Variants in KIAA0753 observed in about 807,000 individuals in gnomAD.
KIAA0753 encodes the protein KIAA0753.
A neutral mutation model predicts 116.9 loss-of-function variants in KIAA0753; 114 were observed. The observed-to-expected ratio is 0.98, with a 90% CI of 0.84 to 1.14. The LOEUF is 1.14. KIAA0753 is among the 50% of genes most tolerant of loss of function. The pLI, the probability that KIAA0753 is intolerant of heterozygous loss-of-function variation, is 0.00. For synonymous variants in KIAA0753, 405 were observed against 413.1 expected, an observed-to-expected ratio of 0.98 and a Z score of 0.24; for missense variants, 1,156 against 1,172.4, an observed-to-expected ratio of 0.99 and a Z score of 0.20.
At chr17:6,634,095 CTTTTTT>C (rs59023654) in intron 2 of KIAA0753, among the ~76,000 whole-genome samples, 1 of 130,178 alleles carries the variant, frequency 7.7e-6, no homozygotes, top group African/African-American at 2.8e-5. Context: ...AGGGTGAATT[CTTTTTT>C]TTTTTTTTTT....
intron 12 of KIAA0753, among the ~76,000 whole-genome samples, 154 bp from the exon 13 acceptor site, chr17:6,600,612 T>C (rs1276657974): frequency 2.0e-5 from 3 of 152,248 alleles, no homozygotes; most frequent in South Asian, 4.1e-4. Flanking sequence ...CTTGTGAAAA[T>C]GTAGATTCCA....
At chr17:6,623,659 T>A in intron 4 of KIAA0753, 88 bp from the exon 5 acceptor site, 1 of 1,488,262 alleles carries the variant, frequency 6.7e-7, no homozygotes, top group South Asian at 1.4e-5. Context: ...TCTCCTCTTG[T>A]CCAAATATAA....
chr17:6,582,818 T>C (rs951332346), intron 18 of KIAA0753, among the ~76,000 whole-genome samples: 6 of 152,214 alleles, frequency 3.9e-5, no homozygotes, highest in African/African-American at 1.4e-4. Flanking sequence ...TAACATTAAT[T>C]GATATTCTTA....
At chr17:6,591,721 A>G (rs1468083285) in intron 16 of KIAA0753, among the ~76,000 whole-genome samples, 1 of 152,248 alleles carries the variant, frequency 6.6e-6, no homozygotes, top group Non-Finnish European at 1.5e-5. Context: ...TACATGATGC[A>G]ACCTAACTTT....
intron 1 of KIAA0753, 124 bp from the exon 2 acceptor site, chr17:6,635,295 G>A: frequency 4.6e-6 from 2 of 432,902 alleles, no homozygotes; most frequent in Non-Finnish European, 8.3e-6. Context: ...CATACTGAGA[G>A]TGACTGCTTA....
chr17:6,630,659 A>G (rs1324863046), intron 2 of KIAA0753, among the ~76,000 whole-genome samples: 1 of 152,200 alleles, frequency 6.6e-6, no homozygotes, highest in African/African-American at 2.4e-5. Context: ...ACTGTAAATT[A>G]TTAGAATCAA....
chr17:6,614,542 C>T (rs996002604), intron 7 of KIAA0753, among the ~76,000 whole-genome samples: 3 of 151,724 alleles, frequency 2.0e-5, no homozygotes, highest in Non-Finnish European at 4.4e-5. Context: ...ATGATGCATA[C>T]TGTAAGATAT....
chr17:6,591,033 GGAAGAAGGAAGAAGAAGAAGAAGAAGAA>G (rs1567540421), intron 16 of KIAA0753, among the ~76,000 whole-genome samples: 7 of 90,642 alleles, frequency 7.7e-5, no homozygotes, highest in African/African-American at 3.9e-4. Context: ...GAAGGAAGAA[GGAAGAAGGAAGAAGAAGAAGAAGAAGAA>G]GAAGAAGAAG....
At chr17:6,619,532 T>A (rs1597566693) in intron 7 of KIAA0753, among the ~76,000 whole-genome samples, 1 of 152,118 alleles carries the variant, frequency 6.6e-6, no homozygotes, top group Admixed American at 6.5e-5. Context: ...GCTCAAGTGA[T>A]CCTCCTGCCT....
Position 6,589,793 on chromosome 17 carries a change from C to T in KIAA0753, c.2772G>A (p.Trp924Ter). Residue 924 changes from tryptophan (W) to a stop codon, truncating the protein, a stop_gained, in exon 18 of 19, where the codon TGG (tryptophan) becomes TGA (stop). Transcript: ENST00000361413. LOFTEE classifies it high-confidence loss of function. ...SHEAVGSFNP[W>*]LIAESFSEEL... is the part of the protein sequence containing the mutation. ...ATTTTACTGACCTTTCAGCTATCAGCCACGGGTTGAAGGAGCCTACAGCCT... is the reference window on the plus strand; with the variant it reads ...ATTTTACTGACCTTTCAGCTATCAGTCACGGGTTGAAGGAGCCTACAGCCT... The T allele has an allele frequency of 6.2e-7, 1 of 1,606,002 alleles. No homozygotes were observed. Among genetic ancestry groups the T allele is most frequent in the Non-Finnish European group, 8.5e-7 (1 of 1,177,888 alleles).
Position 6,608,329 on chromosome 17 carries a change from G to C in KIAA0753, c.1829+19C>G, listed in dbSNP as rs1373640624. 1 of 1,283,014 alleles carries C rather than the reference G, an allele frequency of 7.8e-7. No homozygotes were observed. The highest frequency in any genetic ancestry group is 2.7e-5 in the Admixed American group (1 of 37,214). 79.5% of individuals were successfully genotyped at this position (1,283,014 alleles called of 1,614,324 possible). A position where few individuals can be genotyped will look rare whatever the true frequency, so the allele number is the denominator to read the frequency against. On this transcript the variant is annotated intron_variant, in intron 10 of 18. Transcript: ENST00000361413. Reference sequence around the variant, plus strand: ...GGAGCTCTTTAATTCTCAAAGATCTGAAAAATACCAGCACAAACCTGGCTG... The same window carrying C: ...GGAGCTCTTTAATTCTCAAAGATCTCAAAAATACCAGCACAAACCTGGCTG...
rs555388348 is a variant in KIAA0753, at chr17:6,608,554, G to A, written c.1713-90C>T. Reference sequence around the variant, plus strand: ...AGGTGCCAGCTCAGAGATGACAACAGCATTAAATTAATGGTGATCTGTAGC... The same window carrying A: ...AGGTGCCAGCTCAGAGATGACAACAACATTAAATTAATGGTGATCTGTAGC... On this transcript the variant is annotated intron_variant, in intron 9 of 18. Transcript: ENST00000361413. 9 of 591,492 alleles carry A rather than the reference G, an allele frequency of 1.5e-5. No individual in the cohort carries two copies. In the East Asian group the frequency reaches 2.2e-4, roughly 14 times the overall value. 36.6% of individuals were successfully genotyped at this position (591,492 alleles called of 1,614,324 possible). A position where few individuals can be genotyped will look rare whatever the true frequency, so the allele number is the denominator to read the frequency against.
At chr17:6,617,875 G>T (rs1316761153) in intron 7 of KIAA0753, among the ~76,000 whole-genome samples, 1 of 152,212 alleles carries the variant, frequency 6.6e-6, no homozygotes, top group Non-Finnish European at 1.5e-5. Context: ...GGCCAAGGCA[G>T]GCGGATCACC....
At chr17:6,587,179 C>G (rs1381116809) in intron 18 of KIAA0753, among the ~76,000 whole-genome samples, 3 of 151,976 alleles carry the variant, frequency 2.0e-5, no homozygotes, top group African/African-American at 4.8e-5. Flanking sequence ...TTGCAGTGAG[C>G]CGAGATTGTA....
At chr17:6,583,451 T>TTC (rs1489764233) in intron 18 of KIAA0753, among the ~76,000 whole-genome samples, 3 of 152,166 alleles carry the variant, frequency 2.0e-5, no homozygotes, top group African/African-American at 4.8e-5. Context: ...GTGACTCGTT[T>TTC]TCTCTCTCTC....
rs543661527 is a variant in KIAA0753 at position 6,602,206 on chromosome 17, T to C, written c.2010-1748A>G. ...AAGCTACTACTCTGGATAATGCATA[T>C]GGCTCATTTAATAAAATCAAACAAC... On this transcript the variant is annotated intron_variant, in intron 12 of 18. Transcript: ENST00000361413. Among the ~76,000 whole-genome samples, 9 of 152,348 alleles carry C rather than the reference T, an allele frequency of 5.9e-5. No individual in the cohort carries two copies. The South Asian group carries it at 1.9e-3, about 32-fold the overall frequency.
At position 6,607,289 on chromosome 17, in the gene KIAA0753, A is replaced by T; in HGVS notation, c.1830-19T>A. On this transcript the variant is annotated intron_variant, in intron 10 of 18. Transcript: ENST00000361413. Reference sequence around the variant, plus strand: ...AGCGAGCCTAGCAGACAGTCAAAAGAGTCAAACCAATTCTGCCTCGACACT... The same window carrying T: ...AGCGAGCCTAGCAGACAGTCAAAAGTGTCAAACCAATTCTGCCTCGACACT... 6.2e-7 allele frequency: 1 copy of T among 1,608,188 alleles called. No homozygotes were observed. The highest frequency in any genetic ancestry group is 8.5e-7 in the Non-Finnish European group (1 of 1,174,866).
chr17:6,610,957 CA>C (rs1567563176), intron 8 of KIAA0753, among the ~76,000 whole-genome samples: 1 of 152,172 alleles, frequency 6.6e-6, no homozygotes, highest in Non-Finnish European at 1.5e-5. Context: ...TGGGAAGAAA[CA>C]GACTTGATCC....
intron 18 of KIAA0753, among the ~76,000 whole-genome samples, chr17:6,589,303 T>A (rs1233093167): frequency 6.6e-6 from 1 of 152,168 alleles, no homozygotes; most frequent in Non-Finnish European, 1.5e-5. Flanking sequence ...AGCAAGAAGG[T>A]GGCCATCTGC....
Sources: gnomAD v4.1 joint callset for allele counts (sites outside exome capture counted in the v4.1 genomes callset) on GRCh38, gnomAD v4.1.1 for gene constraint, MANE v1.5 for transcripts, NCBI Gene and HGNC (gene_info 2026-07-23, HGNC 2026-07-21) for gene names.